XRCC4: variants seen among roughly 807,000 people sequenced by gnomAD.
XRCC4 encodes X-ray repair cross complementing 4.
XRCC4 carries 28 observed loss-of-function variants against 39.1 expected under a neutral mutation model. That is an observed-to-expected ratio of 0.72 (90% CI 0.53 to 0.98). The LOEUF is 0.98. Ranked by LOEUF, XRCC4 falls within the 50% of genes least tolerant of loss-of-function variation. The pLI is 0.00. For synonymous variants in XRCC4, 123 were observed against 126.4 expected (o/e 0.97, Z 0.18); for missense variants, 350 against 376.4 (o/e 0.93, Z 0.58).
chr5:83,316,910 G>A (rs1228635914), intron 7 of XRCC4, among the ~76,000 whole-genome samples: 1 of 19,660 alleles, frequency 5.1e-5, no homozygotes, highest in Non-Finnish European at 1.0e-4. Flanking sequence ...ATTTTTTTCA[G>A]CACCACACCA....
At chr5:83,218,562 A>G (rs984373476) in intron 6 of XRCC4, among the ~76,000 whole-genome samples, 5 of 152,074 alleles carry the variant, frequency 3.3e-5, no homozygotes, top group Non-Finnish European at 7.4e-5. Flanking sequence ...AATAATATTA[A>G]ACCTCAAACA....
intron 7 of XRCC4, among the ~76,000 whole-genome samples, chr5:83,266,964 A>T (rs573041476): frequency 6.6e-6 from 1 of 152,292 alleles, no homozygotes; most frequent in South Asian, 2.1e-4. Flanking sequence ...AATGAATAGC[A>T]CACATACGTT....
chr5:83,159,973 A>G (rs1386530707), intron 3 of XRCC4, among the ~76,000 whole-genome samples: 1 of 152,196 alleles, frequency 6.6e-6, no homozygotes, highest in Non-Finnish European at 1.5e-5. Context: ...ATTTTATGTT[A>G]GTGAATGTTG....
At chr5:83,315,165 G>C (rs1755836119) in intron 7 of XRCC4, among the ~76,000 whole-genome samples, 2 of 152,118 alleles carry the variant, frequency 1.3e-5, no homozygotes, top group Admixed American at 1.3e-4. Flanking sequence ...GGTCTGGATA[G>C]AAAAATCAAA....
intron 3 of XRCC4, among the ~76,000 whole-genome samples, chr5:83,180,401 A>C (rs1750152629): frequency 6.6e-6 from 1 of 152,170 alleles, no homozygotes; most frequent in Admixed American, 6.6e-5. Context: ...ATATGAAATG[A>C]CAAGGCTGAG....
intron 6 of XRCC4, among the ~76,000 whole-genome samples, chr5:83,243,552 G>C (rs1752991581): frequency 6.6e-6 from 1 of 152,138 alleles, no homozygotes; most frequent in Non-Finnish European, 1.5e-5. Flanking sequence ...TTTTTCCAAA[G>C]ACAGTCATAT....
intron 6 of XRCC4, among the ~76,000 whole-genome samples, chr5:83,225,776 G>A (rs986585505): frequency 6.6e-6 from 1 of 151,842 alleles, no homozygotes; most frequent in African/African-American, 2.4e-5. Context: ...AGCCACTGGA[G>A]ATGTGTGCCT....
chr5:83,164,543 T>A (rs531452519), intron 3 of XRCC4, among the ~76,000 whole-genome samples: 2 of 152,266 alleles, frequency 1.3e-5, no homozygotes, highest in South Asian at 4.1e-4. Context: ...AATAGTGTAT[T>A]GTGTACATGA....
intron 2 of XRCC4, among the ~76,000 whole-genome samples, chr5:83,109,039 CAT>C (rs112959965): frequency 0.015 from 2,217 of 151,676 alleles, 61 homozygotes; most frequent in African/African-American, 0.051. Flanking sequence ...GTATGAGAAT[CAT>C]ATTTTATTAT....
chr5:83,257,278 G>A (rs1254365334), intron 6 of XRCC4, among the ~76,000 whole-genome samples: 1 of 151,608 alleles, frequency 6.6e-6, no homozygotes, highest in Admixed American at 6.6e-5. Context: ...CCATTCTGTA[G>A]CAATTTACCC....
intron 1 of XRCC4, among the ~76,000 whole-genome samples, chr5:83,085,594 C>G (rs1745145911): frequency 6.6e-6 from 1 of 152,028 alleles, no homozygotes; most frequent in African/African-American, 2.4e-5. Flanking sequence ...TGTAAATTAG[C>G]TGTGCTGTGA....
Position 83,313,944 on chromosome 5 carries a change from TA to T in XRCC4, c.894-39185del, listed in dbSNP as rs1287216536. Among the ~76,000 whole-genome samples the T allele has an allele frequency of 4.6e-5, 6 of 130,988 alleles. No individual in the cohort carries two copies. The East Asian group carries it at 1.4e-3, about 30-fold the overall frequency. 85.9% of individuals were successfully genotyped at this position (130,988 alleles called of 152,430 possible). On this transcript the variant is annotated intron_variant, in intron 7 of 7. Coordinates refer to ENST00000396027, the MANE Select transcript of XRCC4 (RefSeq NM_003401.5). Reference sequence around the variant, plus strand: ...AAAGACAGTAATGTTGTATGTTATTTAATTACTACATAGCTTTCTGAGTAAA... The same window carrying T: ...AAAGACAGTAATGTTGTATGTTATTTATTACTACATAGCTTTCTGAGTAAA...
At chr5:83,163,640 A>G (rs985542197) in intron 3 of XRCC4, among the ~76,000 whole-genome samples, 4 of 152,222 alleles carry the variant, frequency 2.6e-5, no homozygotes, top group Non-Finnish European at 5.9e-5. Flanking sequence ...CTACGAGTCT[A>G]TGACAGGGAA....
chr5:83,258,837 T>A, intron 7 of XRCC4, 160 bp downstream of exon 7: 1 of 940,520 alleles, frequency 1.1e-6, no homozygotes, highest in Non-Finnish European at 1.5e-6. Context: ...ATTGTTTCAG[T>A]ATTTGGTTAA....
chr5:83,273,208 C>T (rs1754203042), intron 7 of XRCC4, among the ~76,000 whole-genome samples: 1 of 152,170 alleles, frequency 6.6e-6, no homozygotes, highest in African/African-American at 2.4e-5. Flanking sequence ...TGTCTGTTGG[C>T]TGCATAAATG....
chr5:83,124,525 A>T (rs1224319088), intron 3 of XRCC4, among the ~76,000 whole-genome samples: 1 of 152,044 alleles, frequency 6.6e-6, no homozygotes, highest in East Asian at 1.9e-4. Flanking sequence ...TTATTCATTT[A>T]TTCACTGAAA....
intron 1 of XRCC4, among the ~76,000 whole-genome samples, chr5:83,102,558 T>G (rs1002526496): frequency 6.6e-6 from 1 of 152,162 alleles, no homozygotes; most frequent in Non-Finnish European, 1.5e-5. Context: ...AACTTTTTTC[T>G]TGTAACTTGT....
chr5:83,357,831 AGCAACCCTT>A (rs963111648), downstream of XRCC4, among the ~76,000 whole-genome samples: 1 of 152,198 alleles, frequency 6.6e-6, no homozygotes, highest in African/African-American at 2.4e-5. Context: ...CGGAGAAGCA[AGCAACCCTT>A]GCCTTTTCAT....
intron 7 of XRCC4, among the ~76,000 whole-genome samples, chr5:83,335,708 C>T (rs1400419127): frequency 2.0e-5 from 3 of 151,938 alleles, no homozygotes; most frequent in Admixed American, 6.6e-5. Context: ...ATATGAAAAA[C>T]AGGATTTTAC....
Sources: gnomAD v4.1 joint callset for allele counts (sites outside exome capture counted in the v4.1 genomes callset) on GRCh38, gnomAD v4.1.1 for gene constraint, MANE v1.5 for transcripts, NCBI Gene and HGNC (gene_info 2026-07-23, HGNC 2026-07-21) for gene names.